Variants in F11R observed in about 807,000 individuals in gnomAD.
The protein encoded by F11R is F11 receptor, also known as junctional adhesion molecule A.
In F11R, 27 loss-of-function variants were observed where a neutral mutation model predicts 39.3. That is an observed-to-expected ratio of 0.69 (90% CI 0.51 to 0.95). F11R has a LOEUF of 0.95. Among genes scored for constraint, F11R ranks in the 40% least tolerant of loss-of-function variants. F11R has a pLI of 0.00. For missense variants in F11R, 335 were observed against 372.7 expected, an observed-to-expected ratio of 0.90 and a Z score of 0.83; for synonymous variants, 131 against 144.9, an observed-to-expected ratio of 0.90 and a Z score of 0.69.
chr1:161,005,626 G>C (rs1037574114), intron 1 of F11R, among the ~76,000 whole-genome samples: 1 of 151,990 alleles, frequency 6.6e-6, no homozygotes, highest in African/African-American at 2.4e-5. Flanking sequence ...ACCCGCTTCG[G>C]CCTCCCAAAG....
At chr1:161,003,897 T>C (rs1445943303) in intron 1 of F11R, among the ~76,000 whole-genome samples, 1 of 151,916 alleles carries the variant, frequency 6.6e-6, no homozygotes, top group Non-Finnish European at 1.5e-5. Context: ...CCCTAGTAGC[T>C]AGGATTACAG....
chr1:161,005,674 G>T (rs1190102369), intron 1 of F11R, among the ~76,000 whole-genome samples: 1 of 151,816 alleles, frequency 6.6e-6, no homozygotes, highest in Non-Finnish European at 1.5e-5. Context: ...CACCTGGCCT[G>T]CCCAGCTAAC....
chr1:161,019,532 T>A (rs906666226), intron 1 of F11R, among the ~76,000 whole-genome samples: 1 of 149,670 alleles, frequency 6.7e-6, no homozygotes, highest in African/African-American at 2.5e-5. Flanking sequence ...AAGGCGGAGG[T>A]TGCGGTGGGC....
chr1:161,012,604 A>T (rs1287655248), intron 1 of F11R, among the ~76,000 whole-genome samples: 2 of 141,818 alleles, frequency 1.4e-5, no homozygotes, highest in African/African-American at 5.0e-5. Context: ...AATTAATTTT[A>T]TTTATTTATT....
intron 1 of F11R, among the ~76,000 whole-genome samples, chr1:161,017,414 C>T (rs1163624998): frequency 6.6e-6 from 1 of 152,198 alleles, no homozygotes; most frequent in Non-Finnish European, 1.5e-5. Context: ...AGGGAAAAAC[C>T]GCCTTAAGGC....
intron 1 of F11R, among the ~76,000 whole-genome samples, chr1:161,011,745 G>T (rs1396421482): frequency 6.7e-6 from 1 of 148,904 alleles, no homozygotes; most frequent in Non-Finnish European, 1.5e-5. Flanking sequence ...AAAAAAAAAA[G>T]TATATTTTGT....
Position 160,999,678 on chromosome 1 carries a change from A to G in F11R, c.764T>C (p.Phe255Ser). The G allele has an allele frequency of 1.2e-6, 2 of 1,614,228 alleles. No individual in the cohort carries two copies. Among genetic ancestry groups the G allele is most frequent in the Non-Finnish European group, 1.7e-6 (2 of 1,180,040 alleles). ...VTLILLGILV[F>S]GIWFAYSRGH... is the part of the protein sequence containing the mutation. ...TCGGCTATAGGCAAACCAGATGCCA[A>G]AAACCAAGATTCCCAGGAGAATCAG... The change falls in exon 7 of 10, where the codon TTT (phenylalanine) becomes TCT (serine). Residue 255 changes from phenylalanine to serine, a missense_variant. Transcript: ENST00000368026.
Position 161,001,303 on chromosome 1 carries a change from T to C in F11R, c.115A>G (p.Arg39Gly). 2 of 1,614,124 alleles carry C rather than the reference T, an allele frequency of 1.2e-6. No homozygotes were observed. Among genetic ancestry groups the C allele is most frequent in the African/African-American group, 2.7e-5 (2 of 75,046 alleles). The change falls in exon 2 of 10, where the codon AGA becomes GGA. Residue 39 changes from arginine to glycine, a missense_variant. Physicochemically the swap from Arg to Gly is moderately radical, Grantham distance 125. Transcript: ENST00000368026. Reference sequence around the variant, plus strand: ...AACTCACGATTATTCTCAGGAATTCTGACTTCAGGTTCAGAAGAGTGCACT... The same window carrying C: ...AACTCACGATTATTCTCAGGAATTCCGACTTCAGGTTCAGAAGAGTGCACT... ...VTVHSSEPEV[R>G]IPENNPVKLS... is the part of the protein sequence containing the mutation.
chr1:161,014,913 C>CAAAA (rs374593671), intron 1 of F11R, among the ~76,000 whole-genome samples: 1 of 134,676 alleles, frequency 7.4e-6, no homozygotes, highest in Admixed American at 7.6e-5. Flanking sequence ...ACTAAAAATA[C>CAAAA]AAAAAAAAAA....
Position 160,998,824 on chromosome 1 carries a change from C to A in F11R, c.*47G>T, listed in dbSNP as rs1352245260. On this transcript the variant is annotated 3_prime_UTR_variant, in exon 10 of 10. Coordinates refer to ENST00000368026, the MANE Select transcript of F11R (RefSeq NM_016946.6). Reference sequence around the variant, plus strand: ...GACATCAGGGGCCAGAGTCCGGTAGCACCTGAGTAAGGCAAATGCAGATGA... The same window carrying A: ...GACATCAGGGGCCAGAGTCCGGTAGAACCTGAGTAAGGCAAATGCAGATGA... 1 of 1,602,298 alleles carries A rather than the reference C, an allele frequency of 6.2e-7. No individual in the cohort carries two copies.
chr1:161,018,344 T>C (rs1649575810), intron 1 of F11R, among the ~76,000 whole-genome samples: 2 of 152,160 alleles, frequency 1.3e-5, no homozygotes, highest in Non-Finnish European at 2.9e-5. Flanking sequence ...GGAGAACATA[T>C]GGGCAACCTA....
At chr1:161,009,135 C>A (rs1648987731) in intron 1 of F11R, among the ~76,000 whole-genome samples, 1 of 152,138 alleles carries the variant, frequency 6.6e-6, no homozygotes, top group Non-Finnish European at 1.5e-5. Flanking sequence ...ACCCTTTTCC[C>A]CCTCTTTATC....
chr1:161,010,973 T>TA (rs747869704), intron 1 of F11R, among the ~76,000 whole-genome samples: 2,679 of 111,090 alleles, frequency 0.024, 48 homozygotes, highest in Middle Eastern at 0.035. Context: ...GACTCCATCT[T>TA]AAAAAAAAAA....
At chr1:161,001,922 C>A (rs1557890358) in intron 1 of F11R, among the ~76,000 whole-genome samples, 1 of 152,128 alleles carries the variant, frequency 6.6e-6, no homozygotes, top group Non-Finnish European at 1.5e-5. Context: ...ATATTATTAT[C>A]CCGAGTTTAC....
intron 1 of F11R, among the ~76,000 whole-genome samples, chr1:161,002,015 C>G (rs1648521200): frequency 6.6e-6 from 1 of 152,036 alleles, no homozygotes; most frequent in African/African-American, 2.4e-5. Context: ...CCTGTAAACC[C>G]AGCACTTTGG....
intron 1 of F11R, among the ~76,000 whole-genome samples, chr1:161,016,225 C>G (rs1010275965): frequency 6.6e-6 from 1 of 152,074 alleles, no homozygotes; most frequent in African/African-American, 2.4e-5. Context: ...GCCTGTAATC[C>G]CAGCACTTTT....
intron 1 of F11R, among the ~76,000 whole-genome samples, chr1:161,012,108 G>A (rs1013593586): frequency 6.6e-6 from 1 of 152,028 alleles, no homozygotes; most frequent in Non-Finnish European, 1.5e-5. Flanking sequence ...CACAGAGGAG[G>A]TGCTCGATGA....
chr1:161,000,961 T>A, intron 3 of F11R, 59 bp downstream of exon 3: 10 of 1,537,676 alleles, frequency 6.5e-6, no homozygotes, highest in Non-Finnish European at 9.0e-6. Flanking sequence ...GATCGTAGAA[T>A]CCAGGCATGA....
At chr1:161,011,494 C>T (rs2101983686) in intron 1 of F11R, among the ~76,000 whole-genome samples, 1 of 152,206 alleles carries the variant, frequency 6.6e-6, no homozygotes, top group East Asian at 1.9e-4. Context: ...GTAATCTCAA[C>T]ACTGAGAGGC....
Sources: gnomAD v4.1 joint callset for allele counts (sites outside exome capture counted in the v4.1 genomes callset) on GRCh38, gnomAD v4.1.1 for gene constraint, MANE v1.5 for transcripts, NCBI Gene and HGNC (gene_info 2026-07-23, HGNC 2026-07-21) for gene names.